The following NMBR variants were observed in gnomAD, a reference collection of about 807,000 sequenced individuals.
NMBR encodes the protein neuromedin B receptor.
In NMBR, 16 loss-of-function variants were observed where a neutral mutation model predicts 20.5. The ratio of observed to expected loss-of-function variants is 0.78; its 90% CI spans 0.53 to 1.19. The LOEUF is 1.19. Among genes scored for constraint, NMBR ranks in the 50% most tolerant of loss-of-function variants. The pLI, the probability that NMBR is intolerant of heterozygous loss-of-function variation, is 0.00. For missense variants in NMBR, 582 were observed against 499.1 expected, an observed-to-expected ratio of 1.17 and a Z score of -1.58; for synonymous variants, 212 against 196.6, an observed-to-expected ratio of 1.08 and a Z score of -0.65.
intron 1 of NMBR, among the ~76,000 whole-genome samples, chr6:142,096,974 A>G (rs1424322458): frequency 6.6e-6 from 1 of 151,870 alleles, no homozygotes; most frequent in East Asian, 1.9e-4. Context: ...AGTCTGTTTT[A>G]TCAGAGACTA....
intron 1 of NMBR, among the ~76,000 whole-genome samples, chr6:142,132,693 C>T (rs998849713): frequency 3.9e-5 from 6 of 152,056 alleles, no homozygotes; most frequent in Non-Finnish European, 7.4e-5. Flanking sequence ...TCCTTTAGGA[C>T]ACACCTAAAT....
At chr6:142,082,025 G>C (rs1206757050) in intron 2 of NMBR, among the ~76,000 whole-genome samples, 4 of 152,064 alleles carry the variant, frequency 2.6e-5, no homozygotes, top group Non-Finnish European at 4.4e-5. Context: ...AATGTAAAGA[G>C]ATAATTAAGT....
chr6:142,105,418 A>G (rs1777644209), intron 1 of NMBR, among the ~76,000 whole-genome samples: 1 of 152,214 alleles, frequency 6.6e-6, no homozygotes, highest in Non-Finnish European at 1.5e-5. Context: ...TCAATGTTAA[A>G]GCTTATTTTA....
rs1776898273 is a variant in NMBR, at chr6:142,074,897, A to G, written c.*751T>C. Among the ~76,000 whole-genome samples, 1 of 151,896 alleles carries G rather than the reference A, an allele frequency of 6.6e-6. No individual in the cohort carries two copies. The highest frequency in any genetic ancestry group is 2.4e-5 in the African/African-American group (1 of 41,262). ...CATTCATAATATAAATTATATTCAT[A>G]TCATATCTATTTTATAATTCATAAT... is the stretch of plus-strand genomic sequence containing the variant. On this transcript the variant is annotated 3_prime_UTR_variant, in exon 4 of 4. Transcript: ENST00000258042.
intron 1 of NMBR, among the ~76,000 whole-genome samples, chr6:142,120,638 T>A (rs1777930078): frequency 6.6e-6 from 1 of 151,956 alleles, no homozygotes. Context: ...AAAGACCTTG[T>A]AATGCAAGAT....
At chr6:142,080,460 G>A (rs2114557170) in intron 2 of NMBR, among the ~76,000 whole-genome samples, 1 of 151,716 alleles carries the variant, frequency 6.6e-6, no homozygotes, top group Admixed American at 6.6e-5. Context: ...ACAGGTGTAT[G>A]CCACCAAGCC....
intron 1 of NMBR, among the ~76,000 whole-genome samples, chr6:142,102,915 A>G (rs1777591795): frequency 6.6e-6 from 1 of 152,214 alleles, no homozygotes; most frequent in Non-Finnish European, 1.5e-5. Context: ...ATGGAAAGAT[A>G]AGAGTCTCAT....
chr6:142,135,945 A>G (rs1029126988), intron 1 of NMBR, among the ~76,000 whole-genome samples: 5 of 151,716 alleles, frequency 3.3e-5, no homozygotes, highest in Admixed American at 6.6e-5. Context: ...GAATAGTGCC[A>G]CAATAAACAT....
intron 1 of NMBR, among the ~76,000 whole-genome samples, chr6:142,124,906 C>G (rs1269326513): frequency 2.6e-4 from 39 of 151,864 alleles, no homozygotes; most frequent in Admixed American, 2.6e-3. Flanking sequence ...AATCCAATCC[C>G]TTCTTTTTGG....
At chr6:142,085,628 TG>T (rs1021320891) in intron 2 of NMBR, among the ~76,000 whole-genome samples, 3 of 152,208 alleles carry the variant, frequency 2.0e-5, no homozygotes, top group Admixed American at 6.5e-5. Flanking sequence ...TCAAAATATT[TG>T]TGTTTTTCAT....
At chr6:142,093,178 T>A (rs1262443448) in intron 1 of NMBR, among the ~76,000 whole-genome samples, 2 of 151,544 alleles carry the variant, frequency 1.3e-5, no homozygotes, top group Non-Finnish European at 2.9e-5. Flanking sequence ...ATTCTTTAAG[T>A]TTTAGGGTAC....
rs1776916276 is a variant in NMBR at position 142,075,549 on chromosome 6, G to A, written c.*99C>T. ...CATTTTCTGAGTCAATCATGCAATT[G>A]CCTAATAAATTAGCTAAGCAACAGC... is the stretch of plus-strand genomic sequence containing the variant. On this transcript the variant is annotated 3_prime_UTR_variant, in exon 4 of 4. Transcript: ENST00000258042. 3 of 1,151,632 alleles carry A rather than the reference G, an allele frequency of 2.6e-6. No individual in the cohort carries two copies. The highest frequency in any genetic ancestry group is 3.3e-5 in the South Asian group (2 of 60,904). 71.3% of individuals were successfully genotyped at this position (1,151,632 alleles called of 1,614,324 possible). A position where few individuals can be genotyped will look rare whatever the true frequency, so the allele number is the denominator to read the frequency against.
At chr6:142,076,197 G>T in intron 3 of NMBR, 148 bp from the exon 4 acceptor site, 1 of 613,228 alleles carries the variant, frequency 1.6e-6, no homozygotes, top group Non-Finnish European at 2.7e-6. Context: ...CCAAAGTGAT[G>T]ATGGATTTTA....
At chr6:142,101,558 G>A (rs558438056) in intron 1 of NMBR, among the ~76,000 whole-genome samples, 2 of 152,206 alleles carry the variant, frequency 1.3e-5, no homozygotes, top group African/African-American at 4.8e-5. Context: ...GGAATCTCCT[G>A]TTTACAGGAG....
At chr6:142,088,181 C>G in intron 2 of NMBR, 56 bp downstream of exon 2, 1 of 1,553,462 alleles carries the variant, frequency 6.4e-7, no homozygotes, top group Non-Finnish European at 8.7e-7. Flanking sequence ...TGAGTCTTCT[C>G]TACTCGCCCC....
intron 2 of NMBR, 58 bp from the exon 3 acceptor site, chr6:142,078,961 G>GAAAAGAAAGAAAGA: frequency 9.1e-7 from 1 of 1,104,048 alleles, no homozygotes; most frequent in Non-Finnish European, 1.2e-6. Flanking sequence ...AAAAGAGAAA[G>GAAAAGAAAGAAAGA]AAAAGAAAGA....
intron 1 of NMBR, among the ~76,000 whole-genome samples, chr6:142,139,993 T>C (rs1191853237): frequency 6.6e-6 from 1 of 152,180 alleles, no homozygotes; most frequent in Non-Finnish European, 1.5e-5. Flanking sequence ...CTTTTCCGAC[T>C]ATTTATGTGA....
intron 1 of NMBR, among the ~76,000 whole-genome samples, chr6:142,094,190 A>G (rs910395777): frequency 5.9e-5 from 9 of 151,832 alleles, no homozygotes; most frequent in African/African-American, 2.2e-4. Flanking sequence ...TTTTGTTGCC[A>G]TTGCTTTTGG....
intron 1 of NMBR, among the ~76,000 whole-genome samples, chr6:142,124,274 T>C (rs1332768618): frequency 1.3e-5 from 2 of 151,934 alleles, no homozygotes; most frequent in African/African-American, 4.8e-5. Context: ...CAATTCATGT[T>C]TGTTGATTCA....
Sources: allele counts gnomAD v4.1 joint callset (sites outside exome capture counted in the v4.1 genomes callset), GRCh38; gene constraint gnomAD v4.1.1; transcripts MANE v1.5; gene names NCBI Gene and HGNC (gene_info 2026-07-23, HGNC 2026-07-21).